RNF144B: variants seen among roughly 807,000 people sequenced by gnomAD.
RNF144B encodes the protein E3 ubiquitin-protein ligase RNF144B.
A neutral mutation model predicts 40.2 loss-of-function variants in RNF144B; 25 were observed. That is an observed-to-expected ratio of 0.62 (90% CI 0.45 to 0.87). The LOEUF (loss-of-function observed/expected upper bound fraction) is 0.87, where lower values mean the gene tolerates loss of function less well. RNF144B is among the 40% of genes least tolerant of loss of function. The pLI, the probability that RNF144B is intolerant of heterozygous loss-of-function variation, is 0.00. For missense variants in RNF144B, 365 were observed against 373.7 expected, an observed-to-expected ratio of 0.98 and a Z score of 0.19; for synonymous variants, 145 against 136.3, an observed-to-expected ratio of 1.06 and a Z score of -0.44.
Position 18,465,891 on chromosome 6 carries a change from T to C in RNF144B, c.*824T>C, listed in dbSNP as rs1446730233. 1 of 152,254 alleles carries C rather than the reference T, an allele frequency of 6.6e-6. No individual in the cohort carries two copies. Among genetic ancestry groups the C allele is most frequent in the Non-Finnish European group, 1.5e-5 (1 of 68,046 alleles). 9.4% of individuals were successfully genotyped at this position (152,254 alleles called of 1,614,324 possible). A position where few individuals can be genotyped will look rare whatever the true frequency, so the allele number is the denominator to read the frequency against. ...GTAGAGTGGTAGAGTTTCAAAACTT[T>C]CGTCATAGATATCTGGGACCTTTCT... On this transcript the variant is annotated 3_prime_UTR_variant, in exon 8 of 8. Transcript: ENST00000259939.
intron 2 of RNF144B, among the ~76,000 whole-genome samples, chr6:18,426,097 G>A (rs560044811): frequency 1.3e-5 from 2 of 152,270 alleles, no homozygotes; most frequent in East Asian, 3.9e-4. Flanking sequence ...AACAGGGATA[G>A]ATTTCACAAT....
chr6:18,389,867 A>G (rs1374153027), intron 1 of RNF144B, among the ~76,000 whole-genome samples: 3 of 152,214 alleles, frequency 2.0e-5, no homozygotes, highest in African/African-American at 7.2e-5. Context: ...ACCTTAATTT[A>G]TAGAAGCTCC....
At position 18,457,158 on chromosome 6, in the gene RNF144B, T is replaced by C. The variant is rs770995124; in HGVS notation, c.335T>C (p.Val112Ala). Reference protein sequence around the residue: ...LYQRLKFEREVHLDPYRTWCP... With the variant: ...LYQRLKFEREAHLDPYRTWCP... ...ATTTTCTTTCTTTACACTTTAGAAG[T>C]TCATCTGGACCCCTACCGAACATGG... is the stretch of plus-strand genomic sequence containing the variant. Residue 112 changes from valine to alanine, a missense_variant, in exon 5 of 8, where the codon GTT (valine) becomes GCT (alanine). Physicochemically the swap from Val to Ala is moderately conservative, Grantham distance 64. Transcript: ENST00000259939. The surrounding 1 kb of genome is among the most constrained non-coding windows in gnomAD (Gnocchi z 5.1). 6.2e-7 allele frequency: 1 copy of C among 1,612,428 alleles called. No homozygotes were observed. The highest frequency in any genetic ancestry group is 1.1e-5 in the South Asian group (1 of 91,028).
At position 18,457,705 on chromosome 6, in the gene RNF144B, T is replaced by C. The variant is rs1333786442; in HGVS notation, c.536+346T>C. On this transcript the variant is annotated intron_variant, in intron 5 of 7. Coordinates refer to ENST00000259939, the MANE Select transcript of RNF144B (RefSeq NM_182757.4). The surrounding 1 kb of genome is among the most constrained non-coding windows in gnomAD (Gnocchi z 5.1). ...TATCTGCCTGTATTGGTATATATCA[T>C]TCTTGTTGCTTGCAAAATGAGAAAA... Among the ~76,000 whole-genome samples the C allele has an allele frequency of 3.9e-5, 6 of 152,174 alleles. No homozygotes were observed. The highest frequency in any genetic ancestry group is 1.3e-4 in the Admixed American group (2 of 15,278).
chr6:18,434,183 C>T lies in RNF144B; in HGVS notation c.271-5501C>T, dbSNP rs1183177474. 6.6e-6 allele frequency among the ~76,000 whole-genome samples: 1 copy of T among 152,194 alleles called. No homozygotes were observed. Among genetic ancestry groups the T allele is most frequent in the Non-Finnish European group, 1.5e-5 (1 of 68,034 alleles). ...CCGGACTCTGATGGGTAGCAGTTCT[C>T]TAAAGCCTATCCCCAATTTCTGTTT... On this transcript the variant is annotated intron_variant, in intron 3 of 7. Transcript: ENST00000259939. The surrounding 1 kb of genome is among the most constrained non-coding windows in gnomAD (Gnocchi z 4.1).
chr6:18,429,135 C>T (rs954217558), intron 3 of RNF144B, among the ~76,000 whole-genome samples: 2 of 151,926 alleles, frequency 1.3e-5, no homozygotes, highest in African/African-American at 4.8e-5. Flanking sequence ...AAGGTCAAGG[C>T]TCCAGTAAGC....
chr6:18,421,262 ATT>A, intron 2 of RNF144B, among the ~76,000 whole-genome samples: 1 of 140,886 alleles, frequency 7.1e-6, no homozygotes, highest in Middle Eastern at 3.5e-3. Context: ...AAAAAAAAAA[ATT>A]ATATATTATA....
At position 18,387,598 on chromosome 6, in the gene RNF144B, C is replaced by T. The variant is rs761239823; in HGVS notation, c.-69C>T. ...GAGCGCGAGGGAGGCTACTGAGAAG[C>T]CCGGCGACGGAGGAACGCAGGTCTG... On this transcript the variant is annotated 5_prime_UTR_variant, in exon 1 of 8. Coordinates refer to ENST00000259939, the MANE Select transcript of RNF144B (RefSeq NM_182757.4). 2 of 1,318,820 alleles carry T rather than the reference C, an allele frequency of 1.5e-6. No individual in the cohort carries two copies. The highest frequency in any genetic ancestry group is 2.0e-6 in the Non-Finnish European group (2 of 1,004,948). 81.7% of individuals were successfully genotyped at this position (1,318,820 alleles called of 1,614,324 possible). A position where few individuals can be genotyped will look rare whatever the true frequency, so the allele number is the denominator to read the frequency against.
chr6:18,415,202 C>T (rs577566111), intron 2 of RNF144B, among the ~76,000 whole-genome samples: 5 of 152,214 alleles, frequency 3.3e-5, no homozygotes, highest in South Asian at 2.1e-4. Flanking sequence ...AATCTGAGGA[C>T]GGGGGGCTGA....
intron 3 of RNF144B, among the ~76,000 whole-genome samples, chr6:18,432,459 CA>C (rs1758715291): frequency 6.6e-6 from 1 of 152,230 alleles, no homozygotes; most frequent in South Asian, 2.1e-4. Flanking sequence ...TTTTGCTCTG[CA>C]GAGCTTTTCC....
At chr6:18,390,668 T>C (rs1297624374) in intron 1 of RNF144B, among the ~76,000 whole-genome samples, 1 of 152,260 alleles carries the variant, frequency 6.6e-6, no homozygotes, top group African/African-American at 2.4e-5. Context: ...CATCAACTTG[T>C]TCTTTGTTTT....
chr6:18,422,728 G>C lies in RNF144B; in HGVS notation c.166-4853G>C, dbSNP rs1440200156. Among the ~76,000 whole-genome samples the C allele has an allele frequency of 6.6e-6, 1 of 152,138 alleles. No individual in the cohort carries two copies. The highest frequency in any genetic ancestry group is 6.6e-5 in the Admixed American group (1 of 15,264). ...TGTAATCCCAGCACTTTGGGAAGCT[G>C]AGGCGACAGGATTCTTTGAGCCCAG... On this transcript the variant is annotated intron_variant, in intron 2 of 7. Transcript: ENST00000259939. The surrounding 1 kb of genome is among the most constrained non-coding windows in gnomAD (Gnocchi z 4.7).
Position 18,406,068 on chromosome 6 carries a change from A to C in RNF144B, c.165+6369A>C. 1 of 518,940 alleles carries C rather than the reference A, an allele frequency of 1.9e-6. No homozygotes were observed. Among genetic ancestry groups the C allele is most frequent in the South Asian group, 1.4e-5 (1 of 71,576 alleles). 32.1% of individuals were successfully genotyped at this position (518,940 alleles called of 1,614,324 possible). Reference sequence around the variant, plus strand: ...CTTAGGCTTTATTTATTCAACAAATATTTGCTGTGTCTTGCATAGTTCTGA... The same window carrying C: ...CTTAGGCTTTATTTATTCAACAAATCTTTGCTGTGTCTTGCATAGTTCTGA... On this transcript the variant is annotated intron_variant, in intron 2 of 7. Transcript: ENST00000259939. This position sits in a 1 kb window ranked among gnomAD's most constrained non-coding sequence, Gnocchi z 4.2.
intron 2 of RNF144B, among the ~76,000 whole-genome samples, chr6:18,411,482 TATATATATA>T (rs1264586346): frequency 0.02 from 749 of 37,948 alleles, 21 homozygotes; most frequent in Non-Finnish European, 0.025. Flanking sequence ...TATATATATA[TATATATATA>T]TATATATTTT....
rs1478753974 is a variant in RNF144B at position 18,441,274 on chromosome 6, T to A, written c.331+1530T>A. ...ATGGACATTCCCAGTATTCACCCTG[T>A]GGATGCCTGGCTGGTAGCAAGTACC... is the stretch of plus-strand genomic sequence containing the variant. On this transcript the variant is annotated intron_variant, in intron 4 of 7. Transcript: ENST00000259939. The surrounding 1 kb of genome is among the most constrained non-coding windows in gnomAD (Gnocchi z 4.9). Among the ~76,000 whole-genome samples, 2 of 152,208 alleles carry A rather than the reference T, an allele frequency of 1.3e-5. No homozygotes were observed. Among genetic ancestry groups the A allele is most frequent in the Non-Finnish European group, 2.9e-5 (2 of 68,036 alleles).
At chr6:18,397,155 A>G (rs1285681402) in intron 1 of RNF144B, among the ~76,000 whole-genome samples, 1 of 152,230 alleles carries the variant, frequency 6.6e-6, no homozygotes, top group African/African-American at 2.4e-5. Flanking sequence ...CTGGTATGAC[A>G]TTAAGAAAGT....
chr6:18,390,939 T>C (rs1487217299), intron 1 of RNF144B, among the ~76,000 whole-genome samples: 1 of 151,696 alleles, frequency 6.6e-6, no homozygotes, highest in Non-Finnish European at 1.5e-5. Context: ...GGCAAAGACA[T>C]ACAAAAATCT....
rs1759117201 is a variant in RNF144B, at chr6:18,447,887, T to C, written c.331+8143T>C. ...GAAGAGGTGGATCTGGCAAAGGAGA[T>C]TGACAAAGGATGGCCAGAAATATGA... is the stretch of plus-strand genomic sequence containing the variant. On this transcript the variant is annotated intron_variant, in intron 4 of 7. Transcript: ENST00000259939. The surrounding 1 kb of genome is among the most constrained non-coding windows in gnomAD (Gnocchi z 5.6). Among the ~76,000 whole-genome samples, 1 of 152,132 alleles carries C rather than the reference T, an allele frequency of 6.6e-6. No individual in the cohort carries two copies. Among genetic ancestry groups the C allele is most frequent in the Admixed American group, 6.5e-5 (1 of 15,272 alleles).
At position 18,398,782 on chromosome 6, in the gene RNF144B, C is replaced by T. The variant is rs1794739216; in HGVS notation, c.-36-717C>T. Among the ~76,000 whole-genome samples the T allele has an allele frequency of 6.6e-6, 1 of 152,154 alleles. No individual in the cohort carries two copies. Among genetic ancestry groups the T allele is most frequent in the Non-Finnish European group, 1.5e-5 (1 of 68,024 alleles). Reference sequence around the variant, plus strand: ...TATGAATATGGGTGTACAAATATCTCTTTGAGACCCTGCTTTCAGTTCTTT... The same window carrying T: ...TATGAATATGGGTGTACAAATATCTTTTTGAGACCCTGCTTTCAGTTCTTT... On this transcript the variant is annotated intron_variant, in intron 1 of 7. Transcript: ENST00000259939. The surrounding 1 kb of genome is among the most constrained non-coding windows in gnomAD (Gnocchi z 5.0).
Sources: gnomAD v4.1 joint callset for allele counts (sites outside exome capture counted in the v4.1 genomes callset) on GRCh38, gnomAD v4.1.1 for gene constraint, Gnocchi (gnomAD v3.1) non-coding constraint, MANE v1.5 for transcripts, NCBI Gene and HGNC (gene_info 2026-07-23, HGNC 2026-07-21) for gene names.